The following DNAJC5B variants were observed in gnomAD, a reference collection of about 807,000 sequenced individuals.
DNAJC5B encodes dnaJ homolog subfamily C member 5B.
Under a neutral mutation model 24.7 loss-of-function variants are expected in DNAJC5B, and 23 were observed. The observed-to-expected ratio is 0.93, with a 90% CI of 0.67 to 1.32. DNAJC5B has a LOEUF of 1.32. Among genes scored for constraint, DNAJC5B ranks in the 40% most tolerant of loss-of-function variants. DNAJC5B has a pLI of 0.00. For synonymous variants in DNAJC5B, 101 were observed against 90.1 expected (o/e 1.12, Z -0.68); for missense variants, 238 against 240.8 (o/e 0.99, Z 0.08).
At chr8:66,043,888 G>A (rs1422637874) in intron 2 of DNAJC5B, among the ~76,000 whole-genome samples, 1 of 147,964 alleles carries the variant, frequency 6.8e-6, no homozygotes, top group Non-Finnish European at 1.5e-5. Context: ...GTACAGTGGC[G>A]CCATCTCGGA....
At chr8:66,071,866 G>T (rs1807357746) in intron 3 of DNAJC5B, among the ~76,000 whole-genome samples, 2 of 152,154 alleles carry the variant, frequency 1.3e-5, no homozygotes, top group South Asian at 4.1e-4. Context: ...ATACTATGCA[G>T]CCATAAAAAA....
chr8:66,072,440 A>G (rs1486768072), intron 3 of DNAJC5B, among the ~76,000 whole-genome samples: 1 of 152,224 alleles, frequency 6.6e-6, no homozygotes, highest in Admixed American at 6.5e-5. Context: ...AAAGTACCCA[A>G]TAAGAACAGA....
chr8:66,049,255 G>A (rs182606374), intron 2 of DNAJC5B, among the ~76,000 whole-genome samples: 2 of 152,284 alleles, frequency 1.3e-5, no homozygotes, highest in East Asian at 3.9e-4. Flanking sequence ...TCATGTCTGT[G>A]ACAATGCTGG....
Position 66,051,574 on chromosome 8 carries a change from A to G in DNAJC5B, c.27A>G (p.Arg9=). The G allele has an allele frequency of 1.2e-6, 2 of 1,613,972 alleles. No individual in the cohort carries two copies. The highest frequency in any genetic ancestry group is 1.7e-6 in the Non-Finnish European group (2 of 1,179,966). MACNIPNQ[R]QRTLSTTGEA... is the part of the protein sequence containing the mutation. The stretch of plus-strand genomic sequence containing the variant: ...TGGCATGTAACATACCTAACCAAAG[A>G]CAGCGGACTCTGTCAACAACAGGAG... The change falls in exon 3 of 6, where the codon AGA becomes AGG. Residue 9 remains arginine (R), a synonymous_variant. Coordinates refer to ENST00000276570, the MANE Select transcript of DNAJC5B (RefSeq NM_033105.6).
intron 3 of DNAJC5B, among the ~76,000 whole-genome samples, chr8:66,066,052 T>G (rs1226927371): frequency 6.6e-6 from 1 of 152,168 alleles, no homozygotes; most frequent in Admixed American, 6.5e-5. Flanking sequence ...GTCAGGCTAT[T>G]TTTTAGATAA....
chr8:66,080,393 T>C lies in DNAJC5B; in HGVS notation c.350T>C (p.Val117Ala), dbSNP rs776361838. The change falls in exon 5 of 6, where the codon GTT (valine) becomes GCT (alanine). Residue 117 changes from valine to alanine, a missense_variant. Physicochemically the swap from Val to Ala is moderately conservative, Grantham distance 64. Coordinates refer to ENST00000276570, the MANE Select transcript of DNAJC5B (RefSeq NM_033105.6). ...TTTCCCTAGGCCCTGTTTGTCATCGTTGGCCTCTTGACGGGCTGCTACTTT... is the reference window on the plus strand; with the variant it reads ...TTTCCCTAGGCCCTGTTTGTCATCGCTGGCCTCTTGACGGGCTGCTACTTT... ...SWWAKALFVIVGLLTGCYFCC... is the reference protein window; with the variant it reads ...SWWAKALFVIAGLLTGCYFCC... 5 of 1,613,344 alleles carry C rather than the reference T, an allele frequency of 3.1e-6. No individual in the cohort carries two copies. The highest frequency in any genetic ancestry group is 2.2e-5 in the East Asian group (1 of 44,886).
chr8:66,043,164 G>T (rs1302176872), intron 1 of DNAJC5B, among the ~76,000 whole-genome samples: 2 of 152,172 alleles, frequency 1.3e-5, no homozygotes, highest in African/African-American at 4.8e-5. Context: ...AATAAATAGT[G>T]AGCAGTTAAA....
At chr8:66,030,457 A>G (rs16932424) in intron 1 of DNAJC5B, among the ~76,000 whole-genome samples, 11,993 of 152,200 alleles carry the variant, frequency 0.079, 546 homozygotes, top group African/African-American at 0.12. Context: ...ATTTCAAGGC[A>G]TACTCATGTT....
chr8:66,024,068 G>T (rs148760850), intron 1 of DNAJC5B, among the ~76,000 whole-genome samples: 25 of 152,338 alleles, frequency 1.6e-4, no homozygotes, highest in Admixed American at 3.3e-4. Context: ...TAACCTTAGA[G>T]ATGTCTGGTA....
At chr8:66,069,029 A>G (rs2128962544) in intron 3 of DNAJC5B, among the ~76,000 whole-genome samples, 1 of 152,152 alleles carries the variant, frequency 6.6e-6, no homozygotes, top group African/African-American at 2.4e-5. Context: ...TTTTTTTTAG[A>G]GAAAACTGTG....
At chr8:66,030,953 C>G (rs1401016957) in intron 1 of DNAJC5B, among the ~76,000 whole-genome samples, 1 of 152,228 alleles carries the variant, frequency 6.6e-6, no homozygotes, top group Non-Finnish European at 1.5e-5. Flanking sequence ...AGGCTGCTCA[C>G]AGTCCTCCCT....
At chr8:66,034,005 C>G (rs534824515) in intron 1 of DNAJC5B, among the ~76,000 whole-genome samples, 1 of 152,010 alleles carries the variant, frequency 6.6e-6, no homozygotes, top group Admixed American at 6.6e-5. Flanking sequence ...ACCCTTGCTC[C>G]GTTAATAACT....
chr8:66,096,226 A>G (rs1807949962), intron 5 of DNAJC5B, among the ~76,000 whole-genome samples: 1 of 151,936 alleles, frequency 6.6e-6, no homozygotes, highest in African/African-American at 2.4e-5. Context: ...CTGTGTCCAA[A>G]TCTCTTCTTG....
At chr8:66,061,616 T>A (rs1043889153) in intron 3 of DNAJC5B, among the ~76,000 whole-genome samples, 68 of 150,974 alleles carry the variant, frequency 4.5e-4, no homozygotes, top group African/African-American at 1.6e-3. Context: ...AGAGAGTGTG[T>A]GTGTGTGTGT....
chr8:66,097,380 C>T (rs1807977027), intron 5 of DNAJC5B, among the ~76,000 whole-genome samples: 1 of 151,922 alleles, frequency 6.6e-6, no homozygotes, highest in South Asian at 2.1e-4. Context: ...TCCTCTTGAA[C>T]AATACAAGAA....
chr8:66,073,705 A>G (rs988438305), intron 3 of DNAJC5B, among the ~76,000 whole-genome samples: 3 of 152,220 alleles, frequency 2.0e-5, no homozygotes, highest in Non-Finnish European at 2.9e-5. Flanking sequence ...GGAGCAGAAT[A>G]GAGATCCCAG....
intron 4 of DNAJC5B, among the ~76,000 whole-genome samples, chr8:66,079,161 T>G (rs1460238763): frequency 2.0e-5 from 3 of 152,190 alleles, no homozygotes; most frequent in South Asian, 2.1e-4. Flanking sequence ...TTCATGTTTT[T>G]GGGGAAATCC....
chr8:66,091,275 A>G (rs1807840995), intron 5 of DNAJC5B, among the ~76,000 whole-genome samples: 1 of 152,174 alleles, frequency 6.6e-6, no homozygotes, highest in Non-Finnish European at 1.5e-5. Flanking sequence ...TACAGGTACA[A>G]TAAGCCTGCC....
intron 5 of DNAJC5B, among the ~76,000 whole-genome samples, chr8:66,081,602 T>A (rs1807597911): frequency 6.6e-6 from 1 of 152,168 alleles, no homozygotes; most frequent in African/African-American, 2.4e-5. Context: ...ACACACCTTT[T>A]ATTCCCTATG....
Sources: allele counts gnomAD v4.1 joint callset (sites outside exome capture counted in the v4.1 genomes callset), GRCh38; gene constraint gnomAD v4.1.1; transcripts MANE v1.5; gene names NCBI Gene and HGNC (gene_info 2026-07-23, HGNC 2026-07-21).